The following PTPN13 variants were observed in gnomAD, a reference collection of about 807,000 sequenced individuals.
PTPN13 encodes protein tyrosine phosphatase non-receptor type 13.
PTPN13 carries 191 observed loss-of-function variants against 284.0 expected under a neutral mutation model. That is an observed-to-expected ratio of 0.67 (90% confidence interval 0.60 to 0.76). PTPN13 has a LOEUF of 0.76. Among genes scored for constraint, PTPN13 ranks in the 30% least tolerant of loss-of-function variants. PTPN13 has a pLI of 0.00. For synonymous variants in PTPN13, 986 were observed against 1,022.3 expected (o/e 0.96, Z 0.68); for missense variants, 2,797 against 2,939.9 (o/e 0.95, Z 1.12).
chr4:86,724,207 A>G (rs1733979177), intron 10 of PTPN13, among the ~76,000 whole-genome samples: 1 of 152,240 alleles, frequency 6.6e-6, no homozygotes, highest in Non-Finnish European at 1.5e-5. Flanking sequence ...ATAACTGAAC[A>G]TATTTCAGGT....
At chr4:86,688,344 A>G (rs1729653963) in intron 4 of PTPN13, among the ~76,000 whole-genome samples, 1 of 151,984 alleles carries the variant, frequency 6.6e-6, no homozygotes. Context: ...ATTTTTCACT[A>G]TTTTATTGGG....
chr4:86,721,659 A>G (rs1017543671), intron 9 of PTPN13, among the ~76,000 whole-genome samples: 1 of 151,178 alleles, frequency 6.6e-6, no homozygotes, highest in East Asian at 2.0e-4. Flanking sequence ...GACAAAGATC[A>G]TATATGTATT....
chr4:86,721,701 C>T (rs1733666523), intron 9 of PTPN13, among the ~76,000 whole-genome samples: 2 of 79,272 alleles, frequency 2.5e-5, no homozygotes, highest in South Asian at 5.8e-4. Flanking sequence ...CTCCCCCGCT[C>T]CCTCCCCCTC....
chr4:86,675,621 A>C (rs1156778632), intron 3 of PTPN13, among the ~76,000 whole-genome samples: 1 of 152,160 alleles, frequency 6.6e-6, no homozygotes, highest in South Asian at 2.1e-4. Context: ...ACATGTTTGT[A>C]TGAAAAAACT....
chr4:86,696,629 C>T (rs181213232), intron 6 of PTPN13, among the ~76,000 whole-genome samples: 1 of 151,820 alleles, frequency 6.6e-6, no homozygotes, highest in African/African-American at 2.4e-5. Flanking sequence ...TGTTCTAATA[C>T]AGATAAGGAA....
chr4:86,665,050 C>A (rs1279335361), intron 2 of PTPN13, among the ~76,000 whole-genome samples: 1 of 152,148 alleles, frequency 6.6e-6, no homozygotes, highest in Non-Finnish European at 1.5e-5. Context: ...TTTGGTTTTA[C>A]TAATATAGAT....
At chr4:86,657,551 T>G (rs1003229171) in intron 2 of PTPN13, among the ~76,000 whole-genome samples, 3 of 152,148 alleles carry the variant, frequency 2.0e-5, no homozygotes, top group African/African-American at 7.2e-5. Flanking sequence ...GACTTTCCTG[T>G]GATCACCACA....
At chr4:86,776,843 G>C (rs1193016398) in intron 35 of PTPN13, among the ~76,000 whole-genome samples, 1 of 152,186 alleles carries the variant, frequency 6.6e-6, no homozygotes, top group Non-Finnish European at 1.5e-5. Context: ...TCAAAGTATG[G>C]TTTCTACCAA....
chr4:86,652,544 G>A (rs951009654), intron 2 of PTPN13, among the ~76,000 whole-genome samples: 7 of 152,096 alleles, frequency 4.6e-5, no homozygotes, highest in African/African-American at 1.7e-4. Flanking sequence ...TTCTAGGTTG[G>A]AACAGTTTTT....
chr4:86,693,365 T>G (rs527262539), intron 5 of PTPN13, among the ~76,000 whole-genome samples: 2 of 152,190 alleles, frequency 1.3e-5, no homozygotes, highest in Non-Finnish European at 2.9e-5. Context: ...CAGTCACTGC[T>G]TCTTCCCTTT....
chr4:86,698,698 G>A (rs1335257988), intron 6 of PTPN13, among the ~76,000 whole-genome samples: 1 of 152,122 alleles, frequency 6.6e-6, no homozygotes, highest in Non-Finnish European at 1.5e-5. Context: ...AGTAAAATAT[G>A]TATACCAAAA....
At chr4:86,746,387 C>T (rs1736764935) in intron 17 of PTPN13, among the ~76,000 whole-genome samples, 2 of 152,140 alleles carry the variant, frequency 1.3e-5, no homozygotes, top group South Asian at 4.1e-4. Flanking sequence ...CAGCAGGGTC[C>T]TATGAATTCT....
At chr4:86,682,496 G>T (rs558548708) in intron 3 of PTPN13, among the ~76,000 whole-genome samples, 122 of 151,644 alleles carry the variant, frequency 8.0e-4, no homozygotes, top group African/African-American at 2.9e-3. Flanking sequence ...TTTAATAAAA[G>T]ATTTAATAAT....
chr4:86,784,887 T>C (rs1327765270), intron 38 of PTPN13, among the ~76,000 whole-genome samples: 1 of 152,114 alleles, frequency 6.6e-6, no homozygotes, highest in East Asian at 1.9e-4. Flanking sequence ...TCCTTAATCA[T>C]TGTAACATAA....
At position 86,741,751 on chromosome 4, in the gene PTPN13, C is replaced by T. The variant is rs1322974998; in HGVS notation, c.2422C>T (p.His808Tyr). The T allele has an allele frequency of 6.2e-7, 1 of 1,613,178 alleles. No individual in the cohort carries two copies. The highest frequency in any genetic ancestry group is 1.3e-5 in the African/African-American group (1 of 75,054). The change falls in exon 16 of 48, where the codon CAC becomes TAC. Residue 808 changes from histidine (H) to tyrosine (Y), a missense_variant. Coordinates refer to ENST00000411767, the MANE Select transcript of PTPN13 (RefSeq NM_080683.3). Reference sequence around the variant, plus strand: ...TAAAGGTGTCCTTGTGTTTGAAGTTCACAATGGAGTGCGCACATTGGTCCT... The same window carrying T: ...TAAAGGTGTCCTTGTGTTTGAAGTTTACAATGGAGTGCGCACATTGGTCCT... ...CSKGVLVFEV[H>Y]NGVRTLVLRF...
At chr4:86,647,614 T>C (rs1425333722) in intron 2 of PTPN13, among the ~76,000 whole-genome samples, 1 of 152,150 alleles carries the variant, frequency 6.6e-6, no homozygotes, top group Non-Finnish European at 1.5e-5. Flanking sequence ...TATGGGATTG[T>C]GTTCCTCAAA....
chr4:86,712,399 G>T (rs1279918704), intron 7 of PTPN13, among the ~76,000 whole-genome samples: 1 of 151,120 alleles, frequency 6.6e-6, no homozygotes, highest in Non-Finnish European at 1.5e-5. Context: ...TTGTAAACAT[G>T]GAAAATGTGC....
At chr4:86,661,344 A>G (rs935896172) in intron 2 of PTPN13, among the ~76,000 whole-genome samples, 4 of 152,188 alleles carry the variant, frequency 2.6e-5, no homozygotes, top group Non-Finnish European at 4.4e-5. Flanking sequence ...ATTTCTCAAT[A>G]TCTTTTCTCC....
At chr4:86,776,482 C>G (rs1206228005) in intron 35 of PTPN13, among the ~76,000 whole-genome samples, 1 of 152,202 alleles carries the variant, frequency 6.6e-6, no homozygotes, top group Non-Finnish European at 1.5e-5. Flanking sequence ...TAAGCAAGTA[C>G]TGTGTACCAA....
Sources: gnomAD v4.1 joint callset for allele counts (sites outside exome capture counted in the v4.1 genomes callset) on GRCh38, gnomAD v4.1.1 for gene constraint, MANE v1.5 for transcripts, NCBI Gene and HGNC (gene_info 2026-07-23, HGNC 2026-07-21) for gene names.